Variants in RYR2 observed in about 807,000 individuals in gnomAD.
The protein encoded by RYR2 is cardiac muscle ryanodine receptor-calcium release channel.
In RYR2, 227 loss-of-function variants were observed where a neutral mutation model predicts 601.1. The ratio of observed to expected loss-of-function variants is 0.38; its 90% CI spans 0.34 to 0.42. RYR2 has a LOEUF of 0.42. Ranked by LOEUF, RYR2 falls within the 10% of genes least tolerant of loss-of-function variation. The probability of loss-of-function intolerance (pLI) is 1.00; values close to 1 mark genes in which losing one functional copy is unlikely to be tolerated. For synonymous variants in RYR2, 2,223 were observed against 2,175.1 expected (o/e 1.02, Z -0.61); for missense variants, 4,646 against 6,156.5 (o/e 0.75, Z 8.21).
At chr1:237,126,467 G>A (rs533978709) in intron 1 of RYR2, among the ~76,000 whole-genome samples, 264 of 152,198 alleles carry the variant, frequency 1.7e-3, no homozygotes, top group African/African-American at 6.1e-3. Context: ...CTCTTCTGAT[G>A]GGCAACCTTT....
intron 1 of RYR2, among the ~76,000 whole-genome samples, chr1:237,067,574 T>C (rs1663804707): frequency 6.6e-6 from 1 of 152,224 alleles, no homozygotes; most frequent in South Asian, 2.1e-4. Context: ...CTCATTTAAT[T>C]CCTCTTTTTC....
chr1:237,642,076 G>T (rs2148749878), intron 47 of RYR2, among the ~76,000 whole-genome samples: 1 of 152,326 alleles, frequency 6.6e-6, no homozygotes, highest in Admixed American at 6.5e-5. Context: ...CACATTGATT[G>T]GTGCTGGGGT....
chr1:237,370,207 C>G (rs1395913190), intron 6 of RYR2, among the ~76,000 whole-genome samples: 1 of 151,906 alleles, frequency 6.6e-6, no homozygotes, highest in Non-Finnish European at 1.5e-5. Flanking sequence ...TTAGCTATTA[C>G]ATATACAGCT....
At chr1:237,427,839 G>A (rs193075964) in intron 12 of RYR2, among the ~76,000 whole-genome samples, 89 of 146,188 alleles carry the variant, frequency 6.1e-4, no homozygotes, top group African/African-American at 2.2e-3. Flanking sequence ...ATCAGATGAG[G>A]TGGAATTCAG....
At chr1:237,184,708 A>G (rs147715670) in intron 1 of RYR2, among the ~76,000 whole-genome samples, 181 of 152,346 alleles carry the variant, frequency 1.2e-3, no homozygotes, top group African/African-American at 4.1e-3. Context: ...CTTTGTGTTC[A>G]TACATTAATA....
chr1:237,659,973 C>T lies in RYR2; in HGVS notation c.8209-12C>T, dbSNP rs767601681. 10 of 1,557,886 alleles carry T rather than the reference C, an allele frequency of 6.4e-6. No homozygotes were observed. In the South Asian group the frequency reaches 1.2e-4, roughly 19 times the overall value. Reference sequence around the variant, plus strand: ...CGTGTAAAACAATTTTTAATGTTTGCCTTTTTTTAAGTTGGCAAATGGATG... The same window carrying T: ...CGTGTAAAACAATTTTTAATGTTTGTCTTTTTTTAAGTTGGCAAATGGATG... On this transcript the variant is annotated splice_polypyrimidine_tract_variant and intron_variant, in intron 54 of 104. Coordinates refer to ENST00000366574, the MANE Select transcript of RYR2 (RefSeq NM_001035.3).
At chr1:237,124,224 A>C (rs1227170394) in intron 1 of RYR2, among the ~76,000 whole-genome samples, 1 of 152,202 alleles carries the variant, frequency 6.6e-6, no homozygotes, top group East Asian at 1.9e-4. Flanking sequence ...ATTAGGGAAA[A>C]GAATTGTTGC....
chr1:237,105,356 G>A (rs529280350), intron 1 of RYR2, among the ~76,000 whole-genome samples: 2 of 152,158 alleles, frequency 1.3e-5, no homozygotes, highest in African/African-American at 2.4e-5. Flanking sequence ...GAAAATGAGA[G>A]TAGAACAGGA....
chr1:237,539,993 G>T (rs1669078998), intron 25 of RYR2, among the ~76,000 whole-genome samples: 1 of 152,028 alleles, frequency 6.6e-6, no homozygotes, highest in Non-Finnish European at 1.5e-5. Flanking sequence ...TTTGAAGAAT[G>T]GATGATTCGT....
chr1:237,533,854 T>C (rs148524277), intron 25 of RYR2, among the ~76,000 whole-genome samples: 7 of 152,294 alleles, frequency 4.6e-5, no homozygotes, highest in Non-Finnish European at 4.4e-5. Flanking sequence ...AGTAATGTTC[T>C]AATTGTTAAC....
In RYR2 at chr1:237,496,273, T is replaced by C. The variant is rs182272633; in HGVS notation, c.1962-238T>C. On this transcript the variant is annotated intron_variant, in intron 19 of 104. Transcript: ENST00000366574. ...AAAAAAGAAAATTAGTTGGGCGTGG[T>C]GGCACTCGCCTTTAGTGCCAGTTAT... Among the ~76,000 whole-genome samples the C allele has an allele frequency of 6.8e-4, 104 of 152,256 alleles. 1 individual carries two copies. The highest frequency in any genetic ancestry group is 2.4e-3 in the African/African-American group (100 of 41,556).
rs143680563 is a variant in RYR2, at chr1:237,242,787, A to G, written c.49-27710A>G. On this transcript the variant is annotated intron_variant, in intron 1 of 104. Coordinates refer to ENST00000366574, the MANE Select transcript of RYR2 (RefSeq NM_001035.3). ...GTGAATTGGAATTTGAAAGTTGTCAATGCTGTGTTGATTTACTCGAGTTAC... is the reference window on the plus strand; with the variant it reads ...GTGAATTGGAATTTGAAAGTTGTCAGTGCTGTGTTGATTTACTCGAGTTAC... Among the ~76,000 whole-genome samples the G allele has an allele frequency of 8.0e-3, 1,225 of 152,276 alleles. 14 individuals carry two copies. Among genetic ancestry groups the G allele is most frequent in the African/African-American group, 0.026 (1,089 of 41,554 alleles).
Position 237,650,053 on chromosome 1 carries a change from A to G in RYR2, c.7689A>G (p.Lys2563=), listed in dbSNP as rs201082550. 2.2e-4 allele frequency: 360 copies of G among 1,613,902 alleles called. No individual in the cohort carries two copies. Among genetic ancestry groups the G allele is most frequent in the Non-Finnish European group, 2.8e-4 (336 of 1,179,892 alleles). ...TTTCTAAGGGCTGTTCACTTACCAA[A>G]GCTCAGCGGGATTCCATAGAAGTTT... The part of the protein sequence containing the change: ...YRLSKGCSLT[K]AQRDSIEVCL... Residue 2563 remains lysine (K), a synonymous_variant, in exon 50 of 105, where the codon AAA becomes AAG. Coordinates refer to ENST00000366574, the MANE Select transcript of RYR2 (RefSeq NM_001035.3).
chr1:237,292,000 A>G (rs901554489), intron 2 of RYR2, among the ~76,000 whole-genome samples: 2 of 152,224 alleles, frequency 1.3e-5, no homozygotes, highest in African/African-American at 4.8e-5. Flanking sequence ...TAGTGGGGGA[A>G]GCCGTGCATG....
intron 11 of RYR2, among the ~76,000 whole-genome samples, chr1:237,420,492 T>G (rs887545137): frequency 6.6e-6 from 1 of 152,184 alleles, no homozygotes; most frequent in African/African-American, 2.4e-5. Flanking sequence ...CCAATTTTAG[T>G]TTTTACTACA....
chr1:237,445,566 C>T, intron 14 of RYR2, 44 bp downstream of exon 14: 1 of 1,606,326 alleles, frequency 6.2e-7, no homozygotes, highest in Non-Finnish European at 8.5e-7. Context: ...ACTTCATTTT[C>T]ATTTCTTTAT....
chr1:237,696,314 G>A (rs12028693), intron 63 of RYR2, among the ~76,000 whole-genome samples: 36,792 of 151,960 alleles, frequency 0.24, 5,351 homozygotes, highest in Middle Eastern at 0.46. Flanking sequence ...ACTCATATAC[G>A]TTGCACTGGA....
At chr1:237,089,144 T>C (rs1259638960) in intron 1 of RYR2, among the ~76,000 whole-genome samples, 2 of 152,228 alleles carry the variant, frequency 1.3e-5, no homozygotes, top group Non-Finnish European at 1.5e-5. Context: ...CCCTGCCAAT[T>C]ACATCCATTT....
At chr1:237,364,233 T>A (rs1700015467) in intron 4 of RYR2, 125 bp from the exon 5 acceptor site, 1 of 769,726 alleles carries the variant, frequency 1.3e-6, no homozygotes, top group African/African-American at 1.8e-5. Context: ...TGTTTTTTTT[T>A]ATGTTTATTG....
Sources: gnomAD v4.1 joint callset for allele counts (sites outside exome capture counted in the v4.1 genomes callset) on GRCh38, gnomAD v4.1.1 for gene constraint, MANE v1.5 for transcripts, NCBI Gene and HGNC (gene_info 2026-07-23, HGNC 2026-07-21) for gene names.